Variants in HESX1 observed in about 807,000 individuals in gnomAD.
HESX1 encodes the protein homeobox expressed in ES cells 1.
HESX1 carries 11 observed loss-of-function variants against 22.5 expected under a neutral mutation model. That is an observed-to-expected ratio of 0.49 (90% CI 0.31 to 0.81). HESX1 has a LOEUF of 0.81. HESX1 is among the 30% of genes least tolerant of loss of function. HESX1 has a pLI of 0.05. For synonymous variants in HESX1, 74 were observed against 76.5 expected (o/e 0.97, Z 0.17); for missense variants, 201 against 212.6 (o/e 0.95, Z 0.34).
rs747106663 is a variant in HESX1, at chr3:57,199,860, G to C, written c.59C>G (p.Ser20Cys). ...TCCTAAGATTCTCTCAATTGAAAAGGAGCAAGTTGAGGGTTTGTTTTCCCC... is the reference window on the plus strand; with the variant it reads ...TCCTAAGATTCTCTCAATTGAAAAGCAGCAAGTTGAGGGTTTGTTTTCCCC... ...QLGENKPSTCSFSIERILGLD... is the reference protein window; with the variant it reads ...QLGENKPSTCCFSIERILGLD... The change falls in exon 1 of 4, where the codon TCC becomes TGC. Residue 20 changes from serine to cysteine, a missense_variant. Transcript: ENST00000295934. 5.6e-6 allele frequency: 9 copies of C among 1,613,888 alleles called. No homozygotes were observed. The highest frequency in any genetic ancestry group is 5.3e-5 in the African/African-American group (4 of 74,882).
intron 1 of HESX1, among the ~76,000 whole-genome samples, chr3:57,219,395 T>C (rs1446468117): frequency 1.3e-5 from 2 of 151,664 alleles, no homozygotes; most frequent in Non-Finnish European, 2.9e-5. Context: ...TGAGACGGAG[T>C]CTTGCTCTGT....
chr3:57,223,520 T>A (rs915157051), intron 1 of HESX1, among the ~76,000 whole-genome samples: 2 of 152,160 alleles, frequency 1.3e-5, no homozygotes, highest in Admixed American at 1.3e-4. Flanking sequence ...AGTGGCACAA[T>A]GAAGAACCAA....
upstream of HESX1, among the ~76,000 whole-genome samples, chr3:57,201,348 A>G (rs938815023): frequency 6.6e-6 from 1 of 152,110 alleles, no homozygotes; most frequent in Non-Finnish European, 1.5e-5. Flanking sequence ...GAGATTTTGT[A>G]TATAGTGCTG....
At chr3:57,207,194 C>T (rs1026186653) in intron 1 of HESX1, among the ~76,000 whole-genome samples, 6 of 152,156 alleles carry the variant, frequency 3.9e-5, no homozygotes, top group East Asian at 3.8e-4. Context: ...AGTGATCCAA[C>T]GCACCTCGGC....
intron 1 of HESX1, among the ~76,000 whole-genome samples, chr3:57,220,764 C>A (rs2060611308): frequency 1.3e-5 from 2 of 152,248 alleles, no homozygotes; most frequent in South Asian, 4.2e-4. Context: ...ATCACCAATT[C>A]TCCAGTTTCC....
At chr3:57,222,440 G>A (rs2060620740) in intron 1 of HESX1, among the ~76,000 whole-genome samples, 2 of 151,688 alleles carry the variant, frequency 1.3e-5, no homozygotes, top group African/African-American at 4.8e-5. Context: ...TAAATTTTTT[G>A]TAGAGACACG....
chr3:57,212,357 G>A (rs952354489), intron 1 of HESX1, among the ~76,000 whole-genome samples: 8 of 151,860 alleles, frequency 5.3e-5, no homozygotes, highest in Non-Finnish European at 5.9e-5. Flanking sequence ...TCAAGAGATC[G>A]AGACCATCCT....
chr3:57,217,928 C>T (rs558846092), intron 1 of HESX1, among the ~76,000 whole-genome samples: 59 of 152,284 alleles, frequency 3.9e-4, no homozygotes, highest in South Asian at 1.5e-3. Context: ...CACCAGGCCA[C>T]TCCTCTGTGG....
At chr3:57,205,824 T>C (rs902332799) in intron 1 of HESX1, among the ~76,000 whole-genome samples, 1 of 152,166 alleles carries the variant, frequency 6.6e-6, no homozygotes, top group African/African-American at 2.4e-5. Flanking sequence ...TTACAAAATA[T>C]AGGTTTATTA....
chr3:57,217,056 C>T (rs1002327000), intron 1 of HESX1, among the ~76,000 whole-genome samples: 2 of 152,146 alleles, frequency 1.3e-5, no homozygotes, highest in African/African-American at 4.8e-5. Context: ...CTTTCTGGCA[C>T]AACAAGATGT....
chr3:57,226,488 AG>A lies in HESX1; in HGVS notation c.-304del, dbSNP rs1359905745. ...GAGAGACTGGCTGATAAACAATCTA[AG>A]GGGAAAACTTTTAAAGATTGTAACA... is the stretch of plus-strand genomic sequence containing the variant. On this transcript the variant is annotated 5_prime_UTR_variant, in exon 1 of 3. Transcript: ENST00000495160. 3 of 152,364 alleles carry A rather than the reference AG, an allele frequency of 2.0e-5. No homozygotes were observed. In the East Asian group the frequency reaches 5.8e-4, roughly 29 times the overall value. 9.4% of individuals were successfully genotyped at this position (152,364 alleles called of 1,614,324 possible).
chr3:57,220,948 C>T (rs7621807), intron 1 of HESX1, among the ~76,000 whole-genome samples: 21 of 152,090 alleles, frequency 1.4e-4, no homozygotes, highest in Admixed American at 3.3e-4. Flanking sequence ...TTGGGCTCTG[C>T]GCAATTCTTG....
chr3:57,198,894 A>G lies in HESX1; in HGVS notation c.216T>C (p.Pro72=). 1.2e-6 allele frequency: 2 copies of G among 1,614,154 alleles called. No homozygotes were observed. Among genetic ancestry groups the G allele is most frequent in the South Asian group, 2.2e-5 (2 of 91,084 alleles). Residue 72 remains proline (P), a synonymous_variant, in exon 2 of 4, where the codon CCT becomes CCC. Transcript: ENST00000295934. ...CTGGCATTGGGTGATCCACCACGCT[A>G]GGGAATGAAATCCCACTGGGAGGAT... is the stretch of plus-strand genomic sequence containing the variant. ...VPNPPSGISF[P]SVVDHPMPEE...
At chr3:57,209,950 A>G (rs1466876942) in intron 1 of HESX1, among the ~76,000 whole-genome samples, 1 of 152,184 alleles carries the variant, frequency 6.6e-6, no homozygotes, top group East Asian at 1.9e-4. Flanking sequence ...TTGAGAGTAC[A>G]GTTGTAATAC....
chr3:57,222,380 TC>T (rs1200991095), intron 1 of HESX1, among the ~76,000 whole-genome samples: 1 of 152,106 alleles, frequency 6.6e-6, no homozygotes. Context: ...CACCTCAGCC[TC>T]CCGAGTAACT....
intron 1 of HESX1, among the ~76,000 whole-genome samples, chr3:57,210,007 T>C (rs1268775239): frequency 6.6e-6 from 1 of 152,232 alleles, no homozygotes; most frequent in Non-Finnish European, 1.5e-5. Flanking sequence ...TTGTATTTTC[T>C]GTCTCCAAAT....
At chr3:57,216,359 A>G (rs2060582737) in intron 1 of HESX1, among the ~76,000 whole-genome samples, 1 of 152,206 alleles carries the variant, frequency 6.6e-6, no homozygotes, top group Non-Finnish European at 1.5e-5. Context: ...CTGTAATGCC[A>G]GCACTTTGGG....
At chr3:57,201,875 ATATCTATC>A (rs759735344), upstream of HESX1, among the ~76,000 whole-genome samples, 7,470 of 131,778 alleles carry the variant, frequency 0.057, 243 homozygotes, top group African/African-American at 0.092. Context: ...CTATCTATCT[ATATCTATC>A]TATCTATCTA....
intron 1 of HESX1, among the ~76,000 whole-genome samples, chr3:57,208,737 G>C (rs1383352342): frequency 2.0e-5 from 3 of 148,930 alleles, no homozygotes; most frequent in Non-Finnish European, 3.0e-5. Context: ...GAGGCGGGCG[G>C]ATCACTTGAG....
Sources: gnomAD v4.1 joint callset for allele counts (sites outside exome capture counted in the v4.1 genomes callset) on GRCh38, gnomAD v4.1.1 for gene constraint, MANE v1.5 for transcripts, NCBI Gene and HGNC (gene_info 2026-07-23, HGNC 2026-07-21) for gene names.